SFRP1: variants seen among roughly 807,000 people sequenced by gnomAD.
SFRP1 encodes the protein secreted frizzled related protein 1.
Under a neutral mutation model 25.9 loss-of-function variants are expected in SFRP1, and 9 were observed. The ratio of observed to expected loss-of-function variants is 0.35; its 90% CI spans 0.21 to 0.61. SFRP1 has a LOEUF of 0.61. SFRP1 is among the 20% of genes least tolerant of loss of function. SFRP1 has a pLI of 0.78. For synonymous variants in SFRP1, 178 were observed against 174.0 expected, an observed-to-expected ratio of 1.02 and a Z score of -0.18; for missense variants, 346 against 418.2, an observed-to-expected ratio of 0.83 and a Z score of 1.51.
rs1803860901 is a variant in SFRP1, at chr8:41,297,692, T to C, written c.622+5769A>G. Among the ~76,000 whole-genome samples, 4 of 151,998 alleles carry C rather than the reference T, an allele frequency of 2.6e-5. 1 individual carries two copies. In the South Asian group the frequency reaches 6.3e-4, roughly 24 times the overall value. ...GGCTCAGGGAAGTTAAGAGACTTTCTGGTGGTCGCTTAGCTTATAGGGTAG... is the reference window on the plus strand; with the variant it reads ...GGCTCAGGGAAGTTAAGAGACTTTCCGGTGGTCGCTTAGCTTATAGGGTAG... On this transcript the variant is annotated intron_variant, in intron 2 of 2. Coordinates refer to ENST00000220772, the MANE Select transcript of SFRP1 (RefSeq NM_003012.5).
At position 41,309,306 on chromosome 8, in the gene SFRP1, G is replaced by T; in HGVS notation, c.-147C>A. ...GCTCCGCGGCCGCAAGCTGCTGCCC[G>T]GTCCCCCCGGCCAGTGGCGGCCCTC... On this transcript the variant is annotated 5_prime_UTR_variant, in exon 1 of 3. Transcript: ENST00000220772. 1 of 981,952 alleles carries T rather than the reference G, an allele frequency of 1.0e-6. No individual in the cohort carries two copies. The highest frequency in any genetic ancestry group is 1.3e-6 in the Non-Finnish European group (1 of 772,190). The allele number at this position is 981,952 out of a possible 1,614,324, so 60.8% of individuals were successfully genotyped here.
intron 2 of SFRP1, among the ~76,000 whole-genome samples, chr8:41,287,615 C>T (rs1231196016): frequency 1.3e-5 from 2 of 152,222 alleles, no homozygotes; most frequent in East Asian, 3.8e-4. Flanking sequence ...TCAGGGTCTT[C>T]AGCTAATATT....
intron 1 of SFRP1, 28 bp downstream of exon 1, chr8:41,308,588 T>C: frequency 6.5e-7 from 1 of 1,528,916 alleles, no homozygotes; most frequent in Non-Finnish European, 8.9e-7. Context: ...AGGGGGCGGC[T>C]CGCGCACGTG....
intron 2 of SFRP1, among the ~76,000 whole-genome samples, chr8:41,265,726 C>T (rs555489396): frequency 6.6e-6 from 1 of 152,228 alleles, no homozygotes; most frequent in South Asian, 2.1e-4. Flanking sequence ...CCCCATCGCC[C>T]AAGCAGCAAT....
At chr8:41,303,601 G>A (rs1047374013) in intron 1 of SFRP1, 63 bp from the exon 2 acceptor site, 229 of 1,379,600 alleles carry the variant, frequency 1.7e-4, no homozygotes, top group Non-Finnish European at 2.1e-4. Context: ...AGCAGCCCCT[G>A]GGGAAAAGAT....
Position 41,296,463 on chromosome 8 carries a change from G to T in SFRP1, c.622+6998C>A, listed in dbSNP as rs1156299165. On this transcript the variant is annotated intron_variant, in intron 2 of 2. Transcript: ENST00000220772. ...TTTAATTGGCTGCCCTAAGGTCGGG[G>T]CAGGGCAATGATCTGACATTTCTTT... Among the ~76,000 whole-genome samples, 3 of 151,444 alleles carry T rather than the reference G, an allele frequency of 2.0e-5. No homozygotes were observed. The South Asian group carries it at 6.3e-4, about 32-fold the overall frequency.
chr8:41,281,299 C>T (rs1241611743), intron 2 of SFRP1, among the ~76,000 whole-genome samples: 1 of 152,264 alleles, frequency 6.6e-6, no homozygotes, highest in Non-Finnish European at 1.5e-5. Context: ...TGTTACACAG[C>T]TGGGCACATT....
Position 41,264,995 on chromosome 8 carries a change from G to A in SFRP1, c.*172C>T. The stretch of plus-strand genomic sequence containing the variant: ...GGCCATGGCTACCCTGGGGTTTGGA[G>A]CGTGGCTATGGAGGGAAGGGAGCGG... On this transcript the variant is annotated 3_prime_UTR_variant, in exon 3 of 3. Coordinates refer to ENST00000220772, the MANE Select transcript of SFRP1 (RefSeq NM_003012.5). The A allele has an allele frequency of 3.3e-6, 2 of 597,558 alleles. No individual in the cohort carries two copies. The highest frequency in any genetic ancestry group is 2.9e-6 in the Non-Finnish European group (1 of 340,924). 37.0% of individuals were successfully genotyped at this position (597,558 alleles called of 1,614,324 possible). A position where few individuals can be genotyped will look rare whatever the true frequency, so the allele number is the denominator to read the frequency against.
In SFRP1 at chr8:41,266,103, T is replaced by G. The variant is rs527699047; in HGVS notation, c.623-614A>C. On this transcript the variant is annotated intron_variant, in intron 2 of 2. Transcript: ENST00000220772. The stretch of plus-strand genomic sequence containing the variant: ...ATTGCTTGAACCTGGGAGGCGGAGG[T>G]TGCAGTGAGCCAAGATCACACCACT... 4.6e-5 allele frequency among the ~76,000 whole-genome samples: 7 copies of G among 151,758 alleles called. No homozygotes were observed. The South Asian group carries it at 1.3e-3, about 27-fold the overall frequency.
chr8:41,296,231 C>T (rs186638613), intron 2 of SFRP1, among the ~76,000 whole-genome samples: 11 of 152,314 alleles, frequency 7.2e-5, no homozygotes, highest in South Asian at 6.2e-4. Context: ...GGCTTTCACA[C>T]GGAGTTTGCA....
intron 2 of SFRP1, among the ~76,000 whole-genome samples, chr8:41,279,855 C>G (rs1365393676): frequency 6.6e-6 from 1 of 152,134 alleles, no homozygotes; most frequent in Non-Finnish European, 1.5e-5. Context: ...ATAGAGGCCT[C>G]ATCTCTCTGG....
At chr8:41,279,149 T>G (rs1563361233) in intron 2 of SFRP1, among the ~76,000 whole-genome samples, 1 of 152,076 alleles carries the variant, frequency 6.6e-6, no homozygotes, top group Middle Eastern at 3.4e-3. Flanking sequence ...GCATCCAATC[T>G]CTGTTCAATG....
chr8:41,264,981 C>T lies in SFRP1; in HGVS notation c.*186G>A, dbSNP rs1803416033. 6 of 576,776 alleles carry T rather than the reference C, an allele frequency of 1.0e-5. No homozygotes were observed. Among genetic ancestry groups the T allele is most frequent in the Non-Finnish European group, 3.0e-6 (1 of 328,210 alleles). The allele number at this position is 576,776 out of a possible 1,614,324, so 35.7% of individuals were successfully genotyped here. On this transcript the variant is annotated 3_prime_UTR_variant, in exon 3 of 3. Transcript: ENST00000220772. ...CCCTTGCTTTACCCGGCCATGGCTA[C>T]CCTGGGGTTTGGAGCGTGGCTATGG...
chr8:41,275,207 T>C, intron 2 of SFRP1: 1 of 451,410 alleles, frequency 2.2e-6, no homozygotes, highest in South Asian at 1.6e-5. Flanking sequence ...CCTGCTTCCC[T>C]ACCCAGAGCT....
chr8:41,275,823 T>C (rs1482075829), intron 2 of SFRP1, among the ~76,000 whole-genome samples: 1 of 152,246 alleles, frequency 6.6e-6, no homozygotes, highest in African/African-American at 2.4e-5. Context: ...CACAGCTCAC[T>C]GCAGCCTTGA....
intron 2 of SFRP1, among the ~76,000 whole-genome samples, chr8:41,300,688 G>A (rs138427987): frequency 3.9e-5 from 6 of 152,296 alleles, no homozygotes; most frequent in African/African-American, 1.2e-4. Flanking sequence ...TTAGTGTGGC[G>A]GCTCGCAAAT....
intron 2 of SFRP1, chr8:41,275,205 C>G: frequency 2.2e-6 from 1 of 451,850 alleles, no homozygotes; most frequent in Non-Finnish European, 4.4e-6. Context: ...TCCCTGCTTC[C>G]CTACCCAGAG....
Position 41,309,008 on chromosome 8 carries a change from A to T in SFRP1, c.152T>A (p.Phe51Tyr). Residue 51 changes from phenylalanine (F) to tyrosine (Y), a missense_variant, in exon 1 of 3, where the codon TTC (phenylalanine) becomes TAC (tyrosine). Coordinates refer to ENST00000220772, the MANE Select transcript of SFRP1 (RefSeq NM_003012.5). The part of the protein sequence containing the change: ...SDIGPYQSGR[F>Y]YTKPPQCVDI... Reference sequence around the variant, plus strand: ...CACGCACTGAGGTGGCTTGGTGTAGAAGCGCCCGCTCTGGTACGGGCCGAT... The same window carrying T: ...CACGCACTGAGGTGGCTTGGTGTAGTAGCGCCCGCTCTGGTACGGGCCGAT... 1 of 1,612,154 alleles carries T rather than the reference A, an allele frequency of 6.2e-7. No homozygotes were observed. The highest frequency in any genetic ancestry group is 1.1e-5 in the South Asian group (1 of 91,066).
intron 2 of SFRP1, among the ~76,000 whole-genome samples, chr8:41,285,974 G>A (rs1413600003): frequency 7.1e-6 from 1 of 141,500 alleles, no homozygotes; most frequent in Non-Finnish European, 1.5e-5. Flanking sequence ...GGAGGAACAG[G>A]CAACGTTTCC....
Sources: gnomAD v4.1 joint callset for allele counts (sites outside exome capture counted in the v4.1 genomes callset) on GRCh38, gnomAD v4.1.1 for gene constraint, MANE v1.5 for transcripts, NCBI Gene and HGNC (gene_info 2026-07-23, HGNC 2026-07-21) for gene names.